Variants in SLC26A5 observed in about 807,000 individuals in gnomAD.
SLC26A5 encodes prestin.
A neutral mutation model predicts 81.0 loss-of-function variants in SLC26A5; 51 were observed. The observed-to-expected ratio is 0.63, with a 90% confidence interval of 0.50 to 0.80. The LOEUF (loss-of-function observed/expected upper bound fraction) is 0.80. SLC26A5 is among the 30% of genes least tolerant of loss of function. The probability of loss-of-function intolerance (pLI) is 0.00; values close to 1 mark genes in which losing one functional copy is unlikely to be tolerated. For synonymous variants in SLC26A5, 325 were observed against 332.8 expected (o/e 0.98, Z 0.25); for missense variants, 771 against 905.8 (o/e 0.85, Z 1.91).
intron 1 of SLC26A5, among the ~76,000 whole-genome samples, chr7:103,444,321 G>C (rs768780996): frequency 7.2e-5 from 11 of 152,102 alleles, no homozygotes; most frequent in Non-Finnish European, 1.3e-4. Context: ...GAATACGGAC[G>C]TGCTTCCTAT....
At chr7:103,407,755 A>T (rs1238240664) in intron 8 of SLC26A5, 96 bp downstream of exon 8, 2 of 1,396,858 alleles carry the variant, frequency 1.4e-6, no homozygotes, top group African/African-American at 2.9e-5. Flanking sequence ...CAGAATTGAG[A>T]GCAAAAAATT....
Position 103,367,525 on chromosome 7 carries a change from G to A in SLC26A5, c.2041+9283C>T. 1 of 1,614,096 alleles carries A rather than the reference G, an allele frequency of 6.2e-7. No individual in the cohort carries two copies. Among genetic ancestry groups the A allele is most frequent in the Non-Finnish European group, 8.5e-7 (1 of 1,180,018 alleles). Reference sequence around the variant, plus strand: ...CTAGAGGCAATATTAAAGTGCTGATGGCCACTAACAGACCTGATACTTTGG... The same window carrying A: ...CTAGAGGCAATATTAAAGTGCTGATAGCCACTAACAGACCTGATACTTTGG... On this transcript the variant is annotated intron_variant, in intron 19 of 19. Transcript: ENST00000339444. The surrounding 1 kb of genome is among the most constrained non-coding windows in gnomAD (Gnocchi z 6.1).
In SLC26A5 at chr7:103,389,124, A is replaced by C. The variant is rs1822437764; in HGVS notation, c.1408-10T>G. 1 of 1,593,998 alleles carries C rather than the reference A, an allele frequency of 6.3e-7. No homozygotes were observed. The highest frequency in any genetic ancestry group is 1.3e-5 in the African/African-American group (1 of 74,654). On this transcript the variant is annotated splice_polypyrimidine_tract_variant and intron_variant, in intron 13 of 19. Transcript: ENST00000306312. ...TGGTAAGCCAGATGGTCTAAGCAAA[A>C]GACAGAAAACTTGATGGAGAACCAT...
At chr7:103,389,479 T>C in intron 12 of SLC26A5, 55 bp from the exon 13 acceptor site, 1 of 1,313,476 alleles carries the variant, frequency 7.6e-7, no homozygotes, top group Non-Finnish European at 1.1e-6. Context: ...GAGTGTCCTT[T>C]GCTGGTTCCT....
intron 7 of SLC26A5, among the ~76,000 whole-genome samples, chr7:103,409,697 T>C (rs965612062): frequency 3.9e-5 from 6 of 152,042 alleles, no homozygotes; most frequent in Non-Finnish European, 8.8e-5. Context: ...TTTTTGCCAG[T>C]TTGAACTAGC....
chr7:103,382,746 C>A (rs1044317751), intron 14 of SLC26A5, among the ~76,000 whole-genome samples: 1 of 152,022 alleles, frequency 6.6e-6, no homozygotes, highest in Non-Finnish European at 1.5e-5. Flanking sequence ...TTATTATATC[C>A]TTTGAACAAT....
chr7:103,368,865 T>C (rs1449645346), intron 19 of SLC26A5: 1 of 152,236 alleles, frequency 6.6e-6, no homozygotes, highest in Non-Finnish European at 1.5e-5. Context: ...TGGTAAAGTT[T>C]CTGTTAGGCT....
chr7:103,394,627 A>G (rs932858087), intron 9 of SLC26A5, among the ~76,000 whole-genome samples: 2 of 152,236 alleles, frequency 1.3e-5, no homozygotes, highest in South Asian at 2.1e-4. Context: ...TACCAAGTAC[A>G]AAACCATGAA....
chr7:103,371,469 C>T (rs1408469686), downstream of SLC26A5, among the ~76,000 whole-genome samples: 6 of 148,240 alleles, frequency 4.0e-5, no homozygotes, highest in Non-Finnish European at 7.5e-5. Flanking sequence ...GGACTACAGG[C>T]GCCCGCCACT....
At chr7:103,402,465 T>TCA (rs1823679282) in intron 8 of SLC26A5, among the ~76,000 whole-genome samples, 1 of 150,710 alleles carries the variant, frequency 6.6e-6, no homozygotes, top group Non-Finnish European at 1.5e-5. Context: ...ACTAGTGTGA[T>TCA]CTTGGCTCAC....
chr7:103,388,182 C>T (rs1307571308), intron 14 of SLC26A5, among the ~76,000 whole-genome samples: 1 of 149,994 alleles, frequency 6.7e-6, no homozygotes, highest in African/African-American at 2.5e-5. Context: ...CTACTGTGCC[C>T]AGCCCATAAA....
At chr7:103,397,540 C>CAGA (rs1823228763) in intron 9 of SLC26A5, among the ~76,000 whole-genome samples, 2 of 39,884 alleles carry the variant, frequency 5.0e-5, no homozygotes, top group African/African-American at 2.2e-4. Context: ...GACTCCATCT[C>CAGA]AAAAAAAAAA....
chr7:103,362,792 G>GTATT, intron 19 of SLC26A5: 1 of 867,924 alleles, frequency 1.2e-6, no homozygotes, highest in Non-Finnish European at 1.8e-6. Context: ...GGAAGGCTAT[G>GTATT]TCTTTTTTTT....
intron 8 of SLC26A5, among the ~76,000 whole-genome samples, chr7:103,404,639 G>T (rs1823880030): frequency 6.6e-6 from 1 of 152,144 alleles, no homozygotes; most frequent in African/African-American, 2.4e-5. Flanking sequence ...CAACCTTGGT[G>T]AATCTGATGA....
downstream of SLC26A5, among the ~76,000 whole-genome samples, chr7:103,371,044 T>G (rs1015705355): frequency 1.3e-5 from 2 of 152,212 alleles, no homozygotes; most frequent in African/African-American, 4.8e-5. Flanking sequence ...ATATATTATT[T>G]CCTTGAAAGC....
downstream of SLC26A5, among the ~76,000 whole-genome samples, chr7:103,370,565 CAG>C (rs1820978057): frequency 6.6e-6 from 1 of 152,216 alleles, no homozygotes; most frequent in Non-Finnish European, 1.5e-5. Flanking sequence ...TCAAACCACA[CAG>C]AGTGGATGTT....
intron 19 of SLC26A5, chr7:103,362,334 C>G: frequency 7.3e-7 from 1 of 1,364,466 alleles, no homozygotes. Flanking sequence ...GTTGAGGTTA[C>G]CAGTCCATTT....
chr7:103,368,290 C>T (rs868355593), intron 19 of SLC26A5: 51 of 407,958 alleles, frequency 1.3e-4, no homozygotes, highest in African/African-American at 8.9e-4. Flanking sequence ...TCATACAAAG[C>T]GCTTGCTTAG....
chr7:103,393,875 A>G (rs1042811094), intron 9 of SLC26A5, among the ~76,000 whole-genome samples: 3 of 152,174 alleles, frequency 2.0e-5, no homozygotes, highest in African/African-American at 4.8e-5. Context: ...CAATAATAAC[A>G]ATAACTTAAC....
Sources: gnomAD v4.1 joint callset for allele counts (sites outside exome capture counted in the v4.1 genomes callset) on GRCh38, gnomAD v4.1.1 for gene constraint, Gnocchi (gnomAD v3.1) non-coding constraint, MANE v1.5 for transcripts, NCBI Gene and HGNC (gene_info 2026-07-23, HGNC 2026-07-21) for gene names.